The following RCN3 variants were observed in gnomAD, a reference collection of about 807,000 sequenced individuals.
The protein encoded by RCN3 is reticulocalbin 3, also known as reticulocalbin-3.
A neutral mutation model predicts 35.9 loss-of-function variants in RCN3; 41 were observed. The observed-to-expected ratio is 1.14, with a 90% CI of 0.89 to 1.48. RCN3 has a LOEUF of 1.48. RCN3 is among the 40% of genes most tolerant of loss of function. The pLI, the probability that RCN3 is intolerant of heterozygous loss-of-function variation, is 0.00. For missense variants in RCN3, 451 were observed against 471.3 expected, an observed-to-expected ratio of 0.96 and a Z score of 0.40; for synonymous variants, 187 against 193.4, an observed-to-expected ratio of 0.97 and a Z score of 0.27.
At chr19:49,536,881 C>T (rs543047983) in intron 3 of RCN3, 152 bp from the exon 4 acceptor site, 4 of 615,072 alleles carry the variant, frequency 6.5e-6, no homozygotes, top group East Asian at 3.1e-5. Context: ...GCTGCTATTA[C>T]AGGCGTGAGC....
At chr19:49,534,080 G>A (rs2080122071) in intron 2 of RCN3, 113 bp from the exon 3 acceptor site, 9 of 1,100,436 alleles carry the variant, frequency 8.2e-6, no homozygotes, top group Non-Finnish European at 1.1e-5. Context: ...CCCGCGGACC[G>A]TGGACTGTAT....
At chr19:49,533,450 C>T (rs1032066844) in intron 2 of RCN3, among the ~76,000 whole-genome samples, 1 of 151,946 alleles carries the variant, frequency 6.6e-6, no homozygotes, top group Admixed American at 6.6e-5. Context: ...GAGAGGGGCC[C>T]GAGAGCTGAT....
chr19:49,543,456 C>T lies in RCN3; in HGVS notation c.*243C>T, dbSNP rs2080173628. 7.4e-6 allele frequency: 4 copies of T among 537,042 alleles called. No individual in the cohort carries two copies. Among genetic ancestry groups the T allele is most frequent in the Non-Finnish European group, 1.3e-5 (4 of 297,230 alleles). 33.3% of individuals were successfully genotyped at this position (537,042 alleles called of 1,614,324 possible). On this transcript the variant is annotated 3_prime_UTR_variant, in exon 7 of 7. Coordinates refer to ENST00000270645, the MANE Select transcript of RCN3 (RefSeq NM_020650.3). ...ACCTATTTCTGACTGAGTCTCCCAGCCCAGACCCAGGGACCCTTGGCCCCA... is the reference window on the plus strand; with the variant it reads ...ACCTATTTCTGACTGAGTCTCCCAGTCCAGACCCAGGGACCCTTGGCCCCA...
chr19:49,537,014 GA>G lies in RCN3; in HGVS notation c.446-18del, dbSNP rs112241191. The G allele has an allele frequency of 0.081, 120,931 of 1,501,008 alleles. 5,826 individuals are homozygous for G. Among genetic ancestry groups the G allele is most frequent in the African/African-American group, 0.18 (13,096 of 70,792 alleles). The allele number at this position is 1,501,008 out of a possible 1,614,324, so 93.0% of individuals were successfully genotyped here. On this transcript the variant is annotated intron_variant, in intron 3 of 6. Transcript: ENST00000270645. ...TTCCTCCATTAAAGCTCATCTCACTGAGACCTGTCCTTCCCCAGGTGAAGAA... is the reference window on the plus strand; with the variant it reads ...TTCCTCCATTAAAGCTCATCTCACTGGACCTGTCCTTCCCCAGGTGAAGAA...
chr19:49,536,733 C>T (rs766392948), intron 3 of RCN3, among the ~76,000 whole-genome samples: 4 of 151,496 alleles, frequency 2.6e-5, no homozygotes, highest in African/African-American at 7.3e-5. Context: ...CTCAGACTCC[C>T]GAGTAGCTGG....
At chr19:49,536,711 C>T (rs999372578) in intron 3 of RCN3, among the ~76,000 whole-genome samples, 16 of 150,928 alleles carry the variant, frequency 1.1e-4, no homozygotes, top group African/African-American at 3.7e-4. Flanking sequence ...TGGGTTCAAT[C>T]GACTCTTGTG....
At chr19:49,528,444 C>T (rs1045304920) in intron 1 of RCN3, 23 bp from the exon 2 acceptor site, 4 of 1,477,654 alleles carry the variant, frequency 2.7e-6, no homozygotes, top group African/African-American at 2.9e-5. Flanking sequence ...GACCCCTGAC[C>T]CCTGGCCTTT....
At chr19:49,542,076 A>T (rs1032157889) in intron 5 of RCN3, among the ~76,000 whole-genome samples, 7 of 150,926 alleles carry the variant, frequency 4.6e-5, no homozygotes, top group Admixed American at 6.6e-5. Context: ...AAAAAAAAAA[A>T]TTTGTAGAAA....
Position 49,543,352 on chromosome 19 carries a change from G to A in RCN3, c.*139G>A. The A allele has an allele frequency of 4.2e-6, 3 of 715,290 alleles. No individual in the cohort carries two copies. The highest frequency in any genetic ancestry group is 7.3e-6 in the Non-Finnish European group (3 of 411,960). 44.3% of individuals were successfully genotyped at this position (715,290 alleles called of 1,614,324 possible). A position where few individuals can be genotyped will look rare whatever the true frequency, so the allele number is the denominator to read the frequency against. Reference sequence around the variant, plus strand: ...ATCCTCCTGCCCCTGGGCTCTCAGGGACCCCCTGGGTCGGCTTCTGTCCCT... The same window carrying A: ...ATCCTCCTGCCCCTGGGCTCTCAGGAACCCCCTGGGTCGGCTTCTGTCCCT... On this transcript the variant is annotated 3_prime_UTR_variant, in exon 7 of 7. Coordinates refer to ENST00000270645, the MANE Select transcript of RCN3 (RefSeq NM_020650.3).
At position 49,528,548 on chromosome 19, in the gene RCN3, G is replaced by T; in HGVS notation, c.76G>T (p.Ala26Ser). 5 of 1,588,592 alleles carry T rather than the reference G, an allele frequency of 3.1e-6. No individual in the cohort carries two copies. Among genetic ancestry groups the T allele is most frequent in the Non-Finnish European group, 4.3e-6 (5 of 1,168,902 alleles). The change falls in exon 2 of 7, where the codon GCA becomes TCA. Residue 26 changes from alanine to serine, a missense_variant. Physicochemically the swap from Ala to Ser is moderately conservative, Grantham distance 99. Transcript: ENST00000270645. ...HGAQGKPSPD[A>S]GPHGQGRVHQ... Reference sequence around the variant, plus strand: ...GGCCCAGGGGAAGCCATCCCCAGACGCAGGCCCTCATGGCCAGGGGAGGGT... The same window carrying T: ...GGCCCAGGGGAAGCCATCCCCAGACTCAGGCCCTCATGGCCAGGGGAGGGT...
In RCN3 at chr19:49,543,277, C is replaced by T. The variant is rs2080172816; in HGVS notation, c.*64C>T. ...TGACCGGAGGAGGGGCCGCTGTGGT[C>T]TGGCCCCCTCCCTGTCCAGGCCCCG... is the stretch of plus-strand genomic sequence containing the variant. On this transcript the variant is annotated 3_prime_UTR_variant, in exon 7 of 7. Coordinates refer to ENST00000270645, the MANE Select transcript of RCN3 (RefSeq NM_020650.3). The T allele has an allele frequency of 1.5e-6, 2 of 1,318,358 alleles. No homozygotes were observed. The highest frequency in any genetic ancestry group is 1.9e-5 in the Admixed American group (1 of 53,654). The allele number at this position is 1,318,358 out of a possible 1,614,324, so 81.7% of individuals were successfully genotyped here. A position where few individuals can be genotyped will look rare whatever the true frequency, so the allele number is the denominator to read the frequency against.
chr19:49,533,242 G>A (rs949355406), intron 2 of RCN3, among the ~76,000 whole-genome samples: 1 of 152,220 alleles, frequency 6.6e-6, no homozygotes, highest in African/African-American at 2.4e-5. Flanking sequence ...TAGACAGACT[G>A]GAGCAGAGAC....
At chr19:49,540,783 CTTCTGGTTGTCACTTCT>C (rs2080159393) in intron 5 of RCN3, among the ~76,000 whole-genome samples, 1 of 151,686 alleles carries the variant, frequency 6.6e-6, no homozygotes, top group African/African-American at 2.4e-5. Flanking sequence ...TCTGGAGATA[CTTCTGGTTGTCACTTCT>C]AGAGGGGTGA....
At chr19:49,534,112 G>A (rs965459364) in intron 2 of RCN3, 81 bp from the exon 3 acceptor site, 1 of 1,307,542 alleles carries the variant, frequency 7.6e-7, no homozygotes, top group East Asian at 2.9e-5. Context: ...GATCCGAAGT[G>A]TCCCAGGGGG....
intron 2 of RCN3, among the ~76,000 whole-genome samples, chr19:49,533,240 CTG>C (rs1363878410): frequency 6.6e-6 from 1 of 152,190 alleles, no homozygotes; most frequent in Non-Finnish European, 1.5e-5. Flanking sequence ...CCTAGACAGA[CTG>C]GAGCAGAGAC....
At chr19:49,541,967 C>T (rs1416112328) in intron 5 of RCN3, among the ~76,000 whole-genome samples, 1 of 147,908 alleles carries the variant, frequency 6.8e-6, no homozygotes, top group African/African-American at 2.5e-5. Flanking sequence ...GCAACAAGAG[C>T]GAAACTCCAT....
chr19:49,542,563 C>G lies in RCN3; in HGVS notation c.690C>G (p.Tyr230Ter), dbSNP rs763029168. The change falls in exon 6 of 7, where the codon TAC (tyrosine) becomes TAG (stop). Residue 230 changes from tyrosine to a stop codon, truncating the protein, a stop_gained. Coordinates refer to ENST00000270645, the MANE Select transcript of RCN3 (RefSeq NM_020650.3). LOFTEE classifies it high-confidence loss of function. ...TGTCCCGGCCCCCAGCGGATCTGTA[C>G]TCAGCCGAGCCTGGGGAGGAGGAGC... Reference protein sequence around the residue: ...VQVEEYIADLYSAEPGEEEPA... With the variant: ...VQVEEYIADL 18 of 1,598,614 alleles carry G rather than the reference C, an allele frequency of 1.1e-5. No individual in the cohort carries two copies. Among genetic ancestry groups the G allele is most frequent in the Non-Finnish European group, 1.5e-5 (18 of 1,173,446 alleles).
intron 5 of RCN3, among the ~76,000 whole-genome samples, chr19:49,540,392 G>A (rs1002463358): frequency 2.6e-5 from 4 of 152,060 alleles, no homozygotes; most frequent in African/African-American, 9.7e-5. Context: ...CCAGCACTTT[G>A]GGAGGCTGAG....
chr19:49,537,165 AC>A lies in RCN3; in HGVS notation c.582del (p.Glu195ArgfsTer10). 1 of 1,573,796 alleles carries A rather than the reference AC, an allele frequency of 6.4e-7. No homozygotes were observed. Among genetic ancestry groups the A allele is most frequent in the Non-Finnish European group, 8.6e-7 (1 of 1,157,994 alleles). ...CGAGAGGAGCTGACAGCCTTCCTGC[AC>A]CCCGAGGAGTTCCCTCACATGCGGG... is the stretch of plus-strand genomic sequence containing the variant. ...ATREELTAFL[H>X]PEEFPHMRDI... is the part of the protein sequence containing the mutation. On this transcript the variant is annotated frameshift_variant, in exon 4 of 7. Coordinates refer to ENST00000270645, the MANE Select transcript of RCN3 (RefSeq NM_020650.3). LOFTEE classifies it high-confidence loss of function.
Sources: allele counts gnomAD v4.1 joint callset (sites outside exome capture counted in the v4.1 genomes callset), GRCh38; gene constraint gnomAD v4.1.1; transcripts MANE v1.5; gene names NCBI Gene and HGNC (gene_info 2026-07-23, HGNC 2026-07-21).